Variants in ADGRL3 observed in about 807,000 individuals in gnomAD.
ADGRL3 encodes the protein calcium-independent alpha-latrotoxin receptor 3.
A neutral mutation model predicts 153.5 loss-of-function variants in ADGRL3; 62 were observed. The ratio of observed to expected loss-of-function variants is 0.40; its 90% CI spans 0.33 to 0.50. ADGRL3 has a LOEUF of 0.50. Among genes scored for constraint, ADGRL3 ranks in the 20% least tolerant of loss-of-function variants. The pLI is 0.47. For missense variants in ADGRL3, 1,641 were observed against 1,859.4 expected (o/e 0.88, Z 2.16); for synonymous variants, 710 against 672.5 (o/e 1.06, Z -0.86).
At chr4:61,807,967 T>C (rs2097569319) in intron 8 of ADGRL3, among the ~76,000 whole-genome samples, 1 of 152,172 alleles carries the variant, frequency 6.6e-6, no homozygotes, top group African/African-American at 2.4e-5. Context: ...CCCTGTCCCT[T>C]ATCTGTCTCA....
intron 8 of ADGRL3, among the ~76,000 whole-genome samples, chr4:61,743,509 C>T (rs1421273894): frequency 6.6e-6 from 1 of 151,660 alleles, no homozygotes; most frequent in Admixed American, 6.6e-5. Flanking sequence ...GAAAATAGTA[C>T]TATATTTAGA....
intron 5 of ADGRL3, among the ~76,000 whole-genome samples, chr4:61,635,386 G>A (rs2093371795): frequency 6.6e-6 from 1 of 152,182 alleles, no homozygotes; most frequent in African/African-American, 2.4e-5. Flanking sequence ...CACAAGTGCA[G>A]TGCATTGATG....
intron 11 of ADGRL3, among the ~76,000 whole-genome samples, chr4:61,907,273 G>T (rs2098700377): frequency 6.6e-6 from 1 of 151,854 alleles, no homozygotes; most frequent in Non-Finnish European, 1.5e-5. Context: ...TAGTTAGTTA[G>T]TTTTTGAGAC....
intron 8 of ADGRL3, among the ~76,000 whole-genome samples, chr4:61,790,316 G>A (rs1402162821): frequency 6.6e-6 from 1 of 152,012 alleles, no homozygotes; most frequent in African/African-American, 2.4e-5. Context: ...AACTCCTTTG[G>A]CAATGGTTGG....
chr4:61,473,446 A>G (rs1315683567), intron 2 of ADGRL3, among the ~76,000 whole-genome samples: 1 of 152,108 alleles, frequency 6.6e-6, no homozygotes, highest in Non-Finnish European at 1.5e-5. Context: ...GTGAATATAT[A>G]GTTAAGAGAA....
intron 21 of ADGRL3, among the ~76,000 whole-genome samples, chr4:62,019,506 A>G (rs556561513): frequency 6.6e-6 from 1 of 152,216 alleles, no homozygotes; most frequent in East Asian, 1.9e-4. Context: ...TATTTATAAA[A>G]TTTGAATTAT....
intron 8 of ADGRL3, among the ~76,000 whole-genome samples, chr4:61,791,549 G>A (rs2097342041): frequency 6.6e-6 from 1 of 152,192 alleles, no homozygotes; most frequent in African/African-American, 2.4e-5. Context: ...GGTGCATGGT[G>A]CAAGATGTCA....
chr4:61,539,043 G>A (rs1023120219), intron 4 of ADGRL3, among the ~76,000 whole-genome samples: 6 of 152,166 alleles, frequency 3.9e-5, no homozygotes, highest in African/African-American at 1.4e-4. Flanking sequence ...TGCAGACCAT[G>A]GTGGCTACCA....
chr4:61,689,506 G>C (rs1464788938), intron 6 of ADGRL3, among the ~76,000 whole-genome samples: 3 of 152,042 alleles, frequency 2.0e-5, no homozygotes, highest in Admixed American at 6.6e-5. Flanking sequence ...GAACTCATTG[G>C]CTCTTAACAG....
chr4:61,627,570 G>A (rs2092910044), intron 5 of ADGRL3, among the ~76,000 whole-genome samples: 1 of 152,096 alleles, frequency 6.6e-6, no homozygotes, highest in African/African-American at 2.4e-5. Flanking sequence ...GCAGTGCGCT[G>A]TGATCATGCC....
At chr4:61,923,877 C>T (rs2098782198) in intron 13 of ADGRL3, among the ~76,000 whole-genome samples, 1 of 152,128 alleles carries the variant, frequency 6.6e-6, no homozygotes, top group South Asian at 2.1e-4. Context: ...ATCTTCAGGA[C>T]CTTTTAAATT....
chr4:61,739,787 G>A (rs1235105143), intron 8 of ADGRL3, among the ~76,000 whole-genome samples: 1 of 152,004 alleles, frequency 6.6e-6, no homozygotes, highest in Admixed American at 6.6e-5. Context: ...TAATCTAAGG[G>A]GCAGTTTAGC....
intron 4 of ADGRL3, among the ~76,000 whole-genome samples, chr4:61,566,086 T>C (rs2098815097): frequency 6.6e-6 from 1 of 152,174 alleles, no homozygotes; most frequent in Admixed American, 6.5e-5. Flanking sequence ...ATTAGTTTGC[T>C]AGAGCCACCT....
intron 12 of ADGRL3, among the ~76,000 whole-genome samples, chr4:61,912,128 C>G (rs917855056): frequency 2.0e-5 from 3 of 152,106 alleles, no homozygotes; most frequent in African/African-American, 7.2e-5. Context: ...AGTGATTAAT[C>G]AGAAAATCAC....
chr4:61,799,391 G>A (rs2097460528), intron 8 of ADGRL3, among the ~76,000 whole-genome samples: 1 of 151,930 alleles, frequency 6.6e-6, no homozygotes, highest in Admixed American at 6.6e-5. Flanking sequence ...AAGTACTTCT[G>A]CTGCAGCTGC....
chr4:61,840,370 G>A (rs536803569), intron 9 of ADGRL3, among the ~76,000 whole-genome samples: 6 of 152,146 alleles, frequency 3.9e-5, no homozygotes, highest in South Asian at 2.1e-4. Context: ...GTGAGCCACC[G>A]CACCCAGCTT....
At chr4:61,869,383 G>A (rs1253118709) in intron 9 of ADGRL3, among the ~76,000 whole-genome samples, 3 of 151,806 alleles carry the variant, frequency 2.0e-5, no homozygotes, top group African/African-American at 2.4e-5. Context: ...TGGATCATGA[G>A]GTCAGGAGAT....
At chr4:61,954,050 T>A (rs2098957207) in intron 17 of ADGRL3, among the ~76,000 whole-genome samples, 1 of 152,130 alleles carries the variant, frequency 6.6e-6, no homozygotes, top group South Asian at 2.1e-4. Flanking sequence ...ATACCTCATC[T>A]CATGACTCTC....
chr4:61,284,744 CT>C (rs1051577355), intron 1 of ADGRL3, among the ~76,000 whole-genome samples: 13 of 151,364 alleles, frequency 8.6e-5, no homozygotes, highest in Admixed American at 2.6e-4. Context: ...TGGTTGTGTG[CT>C]TTCTTAAAAT....
Sources: gnomAD v4.1 joint callset for allele counts (sites outside exome capture counted in the v4.1 genomes callset) on GRCh38, gnomAD v4.1.1 for gene constraint, MANE v1.5 for transcripts, NCBI Gene and HGNC (gene_info 2026-07-23, HGNC 2026-07-21) for gene names.